The following TAFA2 variants were observed in gnomAD, a reference collection of about 807,000 sequenced individuals.
TAFA2 encodes TAFA chemokine like family member 2, also known as chemokine-like protein TAFA-2.
In TAFA2, 7 loss-of-function variants were observed where a neutral mutation model predicts 18.8. The observed-to-expected ratio is 0.37, with a 90% CI of 0.21 to 0.70. The LOEUF is 0.70. Among genes scored for constraint, TAFA2 ranks in the 30% least tolerant of loss-of-function variants. TAFA2 has a pLI of 0.53. For missense variants in TAFA2, 122 were observed against 158.1 expected, an observed-to-expected ratio of 0.77 and a Z score of 1.23; for synonymous variants, 60 against 54.2, an observed-to-expected ratio of 1.11 and a Z score of -0.47.
At chr12:61,955,632 A>AAAT (rs1878655397) in intron 1 of TAFA2, among the ~76,000 whole-genome samples, 1 of 41,202 alleles carries the variant, frequency 2.4e-5, no homozygotes, top group African/African-American at 1.2e-4. Flanking sequence ...AAAAAAAAAA[A>AAAT]ATATATATAT....
rs1023482177 is a variant in TAFA2 at position 62,178,143 on chromosome 12, T to C, written c.-2+13116A>G. Among the ~76,000 whole-genome samples the C allele has an allele frequency of 1.1e-4, 16 of 152,030 alleles. 1 individual carries two copies. In the South Asian group the frequency reaches 1.3e-3, roughly 12 times the overall value. On this transcript the variant is annotated intron_variant, in intron 1 of 4. Transcript: ENST00000416284. ...AACAAGACCCCATCTCTATAAAAAATTGAAAAATTAGCCAGGCATGGTGGT... is the reference window on the plus strand; with the variant it reads ...AACAAGACCCCATCTCTATAAAAAACTGAAAAATTAGCCAGGCATGGTGGT...
chr12:62,235,473 TC>T, intron 1 of TAFA2: 3 of 611,326 alleles, frequency 4.9e-6, no homozygotes, highest in Non-Finnish European at 3.0e-6. Flanking sequence ...TGGCTCAGCT[TC>T]CCAGCTTCCT....
intron 1 of TAFA2, among the ~76,000 whole-genome samples, chr12:61,872,422 C>T (rs1019020079): frequency 6.6e-6 from 1 of 152,026 alleles, no homozygotes; most frequent in African/African-American, 2.4e-5. Context: ...AAAAAATTCG[C>T]CCTTAGGGTA....
chr12:61,711,905 A>G (rs1359520997), intron 4 of TAFA2, among the ~76,000 whole-genome samples: 3 of 152,056 alleles, frequency 2.0e-5, no homozygotes, highest in Non-Finnish European at 4.4e-5. Flanking sequence ...CATTGATCTC[A>G]TTATCAATTA....
At chr12:61,979,837 G>A (rs887158864) in intron 1 of TAFA2, among the ~76,000 whole-genome samples, 5 of 151,978 alleles carry the variant, frequency 3.3e-5, no homozygotes, top group African/African-American at 1.2e-4. Context: ...GAAAGATGCA[G>A]ATATGGCAAA....
At chr12:61,762,609 C>T (rs1249678595) in intron 2 of TAFA2, among the ~76,000 whole-genome samples, 2 of 148,574 alleles carry the variant, frequency 1.3e-5, no homozygotes, top group East Asian at 4.0e-4. Flanking sequence ...TATCTACATT[C>T]TATAGAAGTT....
chr12:61,859,640 C>T (rs1874041753), intron 2 of TAFA2, among the ~76,000 whole-genome samples: 1 of 152,102 alleles, frequency 6.6e-6, no homozygotes, highest in African/African-American at 2.4e-5. Context: ...GACAGGGTTT[C>T]GCCGTATTGG....
chr12:61,985,767 G>A (rs1369221315), intron 1 of TAFA2, among the ~76,000 whole-genome samples: 1 of 152,180 alleles, frequency 6.6e-6, no homozygotes. Context: ...ACGGAATTAT[G>A]ATTTTCAGCA....
chr12:62,259,192 T>C (rs1050326491), upstream of TAFA2, among the ~76,000 whole-genome samples: 1 of 152,240 alleles, frequency 6.6e-6, no homozygotes, highest in Admixed American at 6.5e-5. Flanking sequence ...GCCCATCTTT[T>C]AGACTTTTCA....
intron 1 of TAFA2, among the ~76,000 whole-genome samples, chr12:62,081,675 G>A (rs1868327035): frequency 1.3e-5 from 2 of 151,984 alleles, no homozygotes; most frequent in African/African-American, 2.4e-5. Context: ...AGTAGAGACG[G>A]GGTTTCACTT....
intron 2 of TAFA2, among the ~76,000 whole-genome samples, chr12:61,758,164 C>G (rs973610183): frequency 6.6e-6 from 1 of 151,700 alleles, no homozygotes; most frequent in African/African-American, 2.4e-5. Context: ...AAAATAAAAG[C>G]ATTATTGAAG....
intron 1 of TAFA2, among the ~76,000 whole-genome samples, chr12:61,882,854 C>T (rs1241798577): frequency 6.6e-6 from 1 of 152,112 alleles, no homozygotes; most frequent in Non-Finnish European, 1.5e-5. Context: ...TTTAATTCCT[C>T]TGAGCCTCAG....
chr12:62,030,729 T>C (rs1881434362), intron 1 of TAFA2, among the ~76,000 whole-genome samples: 1 of 151,960 alleles, frequency 6.6e-6, no homozygotes. Flanking sequence ...CTCTAGAAAG[T>C]ATAGAGAGAA....
chr12:61,934,521 T>C (rs1030245190), intron 1 of TAFA2, among the ~76,000 whole-genome samples: 4 of 152,268 alleles, frequency 2.6e-5, no homozygotes, highest in Non-Finnish European at 5.9e-5. Context: ...CTTCCTGTAA[T>C]TCTTTATTAT....
intron 1 of TAFA2, among the ~76,000 whole-genome samples, chr12:61,920,279 A>G (rs1193279750): frequency 6.6e-6 from 1 of 152,174 alleles, no homozygotes; most frequent in Non-Finnish European, 1.5e-5. Flanking sequence ...GAGGCAAATG[A>G]GAATTAATAG....
At chr12:61,997,179 GTGTGTGTGTGTGTA>G in intron 1 of TAFA2, among the ~76,000 whole-genome samples, 1 of 151,192 alleles carries the variant, frequency 6.6e-6, no homozygotes, top group South Asian at 2.1e-4. Context: ...GTGTGTGTGT[GTGTGTGTGTGTGTA>G]TATATATATA....
intron 1 of TAFA2, among the ~76,000 whole-genome samples, chr12:61,978,182 A>G (rs1879504492): frequency 6.6e-6 from 1 of 152,056 alleles, no homozygotes; most frequent in Non-Finnish European, 1.5e-5. Flanking sequence ...ATGTGGATTA[A>G]AAAGAGATAA....
chr12:62,087,168 T>A (rs1868489715), intron 1 of TAFA2, among the ~76,000 whole-genome samples: 1 of 151,956 alleles, frequency 6.6e-6, no homozygotes, highest in African/African-American at 2.4e-5. Flanking sequence ...TAGTGCTTGG[T>A]GGGTGTAGAG....
At chr12:62,187,947 G>T (rs1396596749) in intron 1 of TAFA2, among the ~76,000 whole-genome samples, 1 of 152,082 alleles carries the variant, frequency 6.6e-6, no homozygotes, top group Non-Finnish European at 1.5e-5. Flanking sequence ...GTTAACCAAA[G>T]AATTTTCAAA....
Sources: gnomAD v4.1 joint callset for allele counts (sites outside exome capture counted in the v4.1 genomes callset) on GRCh38, gnomAD v4.1.1 for gene constraint, MANE v1.5 for transcripts, NCBI Gene and HGNC (gene_info 2026-07-23, HGNC 2026-07-21) for gene names.